PREX2: variants seen among roughly 807,000 people sequenced by gnomAD.
PREX2 encodes the protein phosphatidylinositol-3,4,5-trisphosphate dependent Rac exchange factor 2, also known as phosphatidylinositol 3,4,5-trisphosphate-dependent Rac exchanger 2 protein.
In PREX2, 107 loss-of-function variants were observed where a neutral mutation model predicts 203.2. The observed-to-expected ratio is 0.53, with a 90% CI of 0.45 to 0.62. The LOEUF is 0.62. PREX2 is among the 20% of genes least tolerant of loss of function. The probability of loss-of-function intolerance (pLI) is 0.00; values close to 1 mark genes in which losing one functional copy is unlikely to be tolerated. For synonymous variants in PREX2, 672 were observed against 663.6 expected, an observed-to-expected ratio of 1.01 and a Z score of -0.19; for missense variants, 1,777 against 1,955.9, an observed-to-expected ratio of 0.91 and a Z score of 1.72.
In PREX2 at chr8:68,120,192, A is replaced by G; in HGVS notation, c.3505-4A>G. 1.9e-6 allele frequency: 3 copies of G among 1,591,748 alleles called. No homozygotes were observed. Among genetic ancestry groups the G allele is most frequent in the South Asian group, 1.1e-5 (1 of 90,548 alleles). ...TGTAACTCGGAAATCTCTACTATTG[A>G]TAGGTGGATTCAATTACCAATCTCC... is the stretch of plus-strand genomic sequence containing the variant. On this transcript the variant is annotated splice_region_variant and splice_polypyrimidine_tract_variant and intron_variant, in intron 28 of 39. Coordinates refer to ENST00000288368, the MANE Select transcript of PREX2 (RefSeq NM_024870.4).
chr8:68,119,461 T>G lies in PREX2; in HGVS notation c.3451T>G (p.Ser1151Ala), dbSNP rs1276108152. Residue 1151 changes from serine to alanine, a missense_variant, in exon 28 of 40, where the codon TCT becomes GCT. Physicochemically the swap from Ser to Ala is moderately conservative, Grantham distance 99. Coordinates refer to ENST00000288368, the MANE Select transcript of PREX2 (RefSeq NM_024870.4). ...TGAACTTCCCTTAAGTGTTCGCATA[T>G]CTCATGATAAACAGGACAAGATACA... ...GDELPLSVRISHDKQDKIHSC... is the reference protein window; with the variant it reads ...GDELPLSVRIAHDKQDKIHSC... 1.9e-6 allele frequency: 3 copies of G among 1,613,876 alleles called. No homozygotes were observed. Among genetic ancestry groups the G allele is most frequent in the Middle Eastern group, 1.6e-4 (1 of 6,062 alleles).
chr8:67,963,951 C>G (rs1000848534), intron 1 of PREX2, among the ~76,000 whole-genome samples: 1 of 152,146 alleles, frequency 6.6e-6, no homozygotes, highest in African/African-American at 2.4e-5. Flanking sequence ...TCAGAGACTC[C>G]TGCTTCTTTT....
chr8:67,964,287 TAA>T (rs1805711173), intron 1 of PREX2, among the ~76,000 whole-genome samples: 1 of 152,198 alleles, frequency 6.6e-6, no homozygotes, highest in Non-Finnish European at 1.5e-5. Context: ...AATCCAGCTC[TAA>T]GGGAGACTGG....
At chr8:68,176,053 A>T (rs934312843) in intron 35 of PREX2, among the ~76,000 whole-genome samples, 1 of 152,176 alleles carries the variant, frequency 6.6e-6, no homozygotes, top group African/African-American at 2.4e-5. Flanking sequence ...ACATTAATTC[A>T]TAATCCCAGA....
intron 27 of PREX2, 58 bp from the exon 28 acceptor site, chr8:68,119,374 C>T (rs761466389): frequency 4.3e-5 from 46 of 1,066,120 alleles, no homozygotes; most frequent in East Asian, 9.4e-5. Flanking sequence ...TATTTTGGTA[C>T]GTTAAACATA....
intron 1 of PREX2, among the ~76,000 whole-genome samples, chr8:68,002,506 T>G (rs764775946): frequency 7.2e-5 from 11 of 152,186 alleles, no homozygotes; most frequent in Non-Finnish European, 1.6e-4. Flanking sequence ...TTAATATGAT[T>G]GTCCCTGTAG....
chr8:68,071,003 A>G (rs1289217717), intron 13 of PREX2, among the ~76,000 whole-genome samples: 1 of 152,206 alleles, frequency 6.6e-6, no homozygotes, highest in African/African-American at 2.4e-5. Flanking sequence ...GGATAACTTG[A>G]TATTAAGTAC....
At chr8:68,172,872 C>T (rs74766937) in intron 35 of PREX2, among the ~76,000 whole-genome samples, 2,201 of 152,308 alleles carry the variant, frequency 0.014, 52 homozygotes, top group African/African-American at 0.05. Context: ...TTAACCCAGC[C>T]TTCACCCAGG....
intron 18 of PREX2, among the ~76,000 whole-genome samples, chr8:68,086,961 C>G (rs944417593): frequency 6.6e-6 from 1 of 152,226 alleles, no homozygotes; most frequent in African/African-American, 2.4e-5. Context: ...TGTATTAACT[C>G]TGTATTTCTG....
At chr8:68,095,933 C>A (rs917408325) in intron 21 of PREX2, among the ~76,000 whole-genome samples, 1 of 152,044 alleles carries the variant, frequency 6.6e-6, no homozygotes, top group African/African-American at 2.4e-5. Context: ...TGAGTCATGG[C>A]GCCTAGCCTG....
intron 35 of PREX2, among the ~76,000 whole-genome samples, chr8:68,168,361 AACAG>A (rs1042275480): frequency 6.6e-6 from 1 of 152,208 alleles, no homozygotes; most frequent in Admixed American, 6.5e-5. Context: ...ACTCATATCA[AACAG>A]ACAGCTGACA....
chr8:68,028,847 G>T (rs1807804158), intron 5 of PREX2, among the ~76,000 whole-genome samples: 1 of 151,968 alleles, frequency 6.6e-6, no homozygotes, highest in Non-Finnish European at 1.5e-5. Context: ...TTCTGATTAG[G>T]GATGAACTCA....
At chr8:68,094,508 C>G (rs1318696322) in intron 21 of PREX2, among the ~76,000 whole-genome samples, 1 of 152,156 alleles carries the variant, frequency 6.6e-6, no homozygotes, top group Non-Finnish European at 1.5e-5. Flanking sequence ...CTGCAATTGA[C>G]AAATACCTTA....
intron 7 of PREX2, among the ~76,000 whole-genome samples, chr8:68,040,767 C>T (rs916749923): frequency 1.6e-4 from 24 of 152,162 alleles, no homozygotes; most frequent in African/African-American, 4.3e-4. Context: ...GGCCTTACTG[C>T]TCCTTCAATG....
intron 34 of PREX2, among the ~76,000 whole-genome samples, chr8:68,150,130 C>G (rs1160169418): frequency 6.6e-6 from 1 of 152,200 alleles, no homozygotes; most frequent in African/African-American, 2.4e-5. Flanking sequence ...CCCATCATTT[C>G]TGAGAGAGGA....
At chr8:68,036,355 T>G (rs926061234) in intron 6 of PREX2, among the ~76,000 whole-genome samples, 1 of 152,198 alleles carries the variant, frequency 6.6e-6, no homozygotes, top group African/African-American at 2.4e-5. Context: ...TTGTTAAGAA[T>G]GCATCTACTA....
chr8:67,971,451 A>G (rs978183370), intron 1 of PREX2, among the ~76,000 whole-genome samples: 6 of 152,190 alleles, frequency 3.9e-5, no homozygotes, highest in African/African-American at 1.4e-4. Context: ...AGGTGATTCT[A>G]ATGTGGGAGT....
At chr8:68,077,804 A>T (rs1295213156) in intron 15 of PREX2, among the ~76,000 whole-genome samples, 1 of 152,188 alleles carries the variant, frequency 6.6e-6, no homozygotes, top group Non-Finnish European at 1.5e-5. Flanking sequence ...ATTTCAGATT[A>T]GACTTATGGT....
chr8:67,952,533 T>G lies in PREX2; in HGVS notation c.139T>G (p.Ser47Ala). 6.2e-7 allele frequency: 1 copy of G among 1,609,084 alleles called. No individual in the cohort carries two copies. The highest frequency in any genetic ancestry group is 8.5e-7 in the Non-Finnish European group (1 of 1,177,868). ...DYVGTLEFLVSAFLHRMNQCA... is the reference protein window; with the variant it reads ...DYVGTLEFLVAAFLHRMNQCA... The stretch of plus-strand genomic sequence containing the variant: ...TGTGGGCACGCTGGAGTTCCTGGTG[T>G]CGGTGAGTGTCCCCGGCAGACGCAG... The change falls in exon 1 of 40, where the codon TCG (serine) becomes GCG (alanine). Residue 47 changes from serine (S) to alanine (A), a missense_variant and splice_region_variant. By Grantham distance (99) the Ser-to-Ala change is moderately conservative. Transcript: ENST00000288368.
Sources: gnomAD v4.1 joint callset for allele counts (sites outside exome capture counted in the v4.1 genomes callset) on GRCh38, gnomAD v4.1.1 for gene constraint, MANE v1.5 for transcripts, NCBI Gene and HGNC (gene_info 2026-07-23, HGNC 2026-07-21) for gene names.